The following XIRP2 variants were observed in gnomAD, a reference collection of about 807,000 sequenced individuals.
The protein encoded by XIRP2 is xin actin-binding repeat-containing protein 2.
A neutral mutation model predicts 277.0 loss-of-function variants in XIRP2; 236 were observed. The ratio of observed to expected loss-of-function variants is 0.85; its 90% CI spans 0.77 to 0.95. The LOEUF (loss-of-function observed/expected upper bound fraction) is 0.95, where lower values mean the gene tolerates loss of function less well. Ranked by LOEUF, XIRP2 falls within the 40% of genes least tolerant of loss-of-function variation. The probability of loss-of-function intolerance (pLI) is 0.00; values close to 1 mark genes in which losing one functional copy is unlikely to be tolerated. For missense variants in XIRP2, 4,640 were observed against 4,157.5 expected, an observed-to-expected ratio of 1.12 and a Z score of -3.19; for synonymous variants, 1,490 against 1,416.5, an observed-to-expected ratio of 1.05 and a Z score of -1.17.
chr2:166,998,482 A>G (rs1687282394), intron 2 of XIRP2, among the ~76,000 whole-genome samples: 1 of 151,856 alleles, frequency 6.6e-6, no homozygotes, highest in African/African-American at 2.4e-5. Flanking sequence ...CTAAAAATAC[A>G]AAAAATTAGC....
chr2:167,068,314 T>A (rs1184138226), intron 2 of XIRP2, among the ~76,000 whole-genome samples: 1 of 152,176 alleles, frequency 6.6e-6, no homozygotes. Flanking sequence ...TTTCTCTAAT[T>A]CTTGAACATA....
chr2:167,162,142 A>C (rs1385015788), intron 3 of XIRP2, among the ~76,000 whole-genome samples: 1 of 152,192 alleles, frequency 6.6e-6, no homozygotes, highest in Non-Finnish European at 1.5e-5. Flanking sequence ...GCATTCGGTC[A>C]AAGCCATTCA....
chr2:167,071,264 C>A (rs890910709), intron 2 of XIRP2, among the ~76,000 whole-genome samples: 1 of 152,054 alleles, frequency 6.6e-6, no homozygotes, highest in African/African-American at 2.4e-5. Flanking sequence ...TTAGTCTTGA[C>A]TATAAAACTG....
chr2:167,201,271 A>AAG (rs1693704712), intron 3 of XIRP2, among the ~76,000 whole-genome samples: 10 of 133,304 alleles, frequency 7.5e-5, no homozygotes, highest in African/African-American at 3.3e-4. Flanking sequence ...AGAGAGAGGG[A>AAG]GAAAGGAAAG....
intron 3 of XIRP2, among the ~76,000 whole-genome samples, chr2:167,198,486 G>A (rs73970887): frequency 0.1 from 15,726 of 152,146 alleles, 1,671 homozygotes; most frequent in African/African-American, 0.28. Context: ...TGAACAAGAG[G>A]CCAATTACCT....
intron 3 of XIRP2, among the ~76,000 whole-genome samples, chr2:167,162,780 T>G (rs1488271097): frequency 8.5e-5 from 13 of 152,198 alleles, no homozygotes; most frequent in Admixed American, 8.5e-4. Flanking sequence ...TCCAACCATG[T>G]TCATCACCAC....
intron 3 of XIRP2, among the ~76,000 whole-genome samples, chr2:167,170,102 G>A (rs1692640412): frequency 6.6e-6 from 1 of 152,070 alleles, no homozygotes; most frequent in South Asian, 2.1e-4. Flanking sequence ...AATCATAAGT[G>A]AGTATTGAAT....
At chr2:166,911,884 G>C (rs1348786339) in intron 2 of XIRP2, among the ~76,000 whole-genome samples, 1 of 152,108 alleles carries the variant, frequency 6.6e-6, no homozygotes, top group Non-Finnish European at 1.5e-5. Context: ...AGTTTGGCTG[G>C]ATATGAAATT....
chr2:167,186,451 C>G (rs1167243579), intron 3 of XIRP2, among the ~76,000 whole-genome samples: 1 of 152,090 alleles, frequency 6.6e-6, no homozygotes, highest in South Asian at 2.1e-4. Flanking sequence ...AGGGCAATTT[C>G]CTTTCTTTAT....
At chr2:167,239,799 A>G in intron 5 of XIRP2, 56 bp from the exon 6 acceptor site, 3 of 1,493,532 alleles carry the variant, frequency 2.0e-6, no homozygotes, top group Non-Finnish European at 2.7e-6. Flanking sequence ...ACAAATAAAA[A>G]AAGTTAAAAT....
At chr2:166,981,565 G>T (rs981813571) in intron 2 of XIRP2, among the ~76,000 whole-genome samples, 2 of 152,052 alleles carry the variant, frequency 1.3e-5, no homozygotes, top group African/African-American at 4.8e-5. Flanking sequence ...GGGACTACAG[G>T]TGCACACTGC....
At chr2:167,047,454 T>C (rs1214416707) in intron 2 of XIRP2, among the ~76,000 whole-genome samples, 3 of 151,628 alleles carry the variant, frequency 2.0e-5, no homozygotes, top group Non-Finnish European at 4.4e-5. Flanking sequence ...AATGGAGACA[T>C]ATTTTCAGCT....
chr2:166,902,661 A>T (rs1349731333), intron 1 of XIRP2, among the ~76,000 whole-genome samples: 1 of 151,428 alleles, frequency 6.6e-6, no homozygotes, highest in African/African-American at 2.4e-5. Context: ...TTTCTTCCTT[A>T]TCGTACCACA....
intron 2 of XIRP2, among the ~76,000 whole-genome samples, chr2:166,912,681 G>A (rs926189163): frequency 2.0e-5 from 3 of 152,168 alleles, no homozygotes; most frequent in African/African-American, 7.2e-5. Context: ...GGGGAGAGGT[G>A]CTCTGAGTTT....
chr2:166,903,784 T>C lies in XIRP2; in HGVS notation c.302T>C (p.Leu101Pro), dbSNP rs1252078848. The change falls in exon 2 of 11, where the codon CTG (leucine) becomes CCG (proline). Residue 101 changes from leucine (L) to proline (P), a missense_variant. Leu to Pro is a moderately conservative substitution (Grantham distance 98, BLOSUM62 -3). Coordinates refer to ENST00000409195, the MANE Select transcript of XIRP2 (RefSeq NM_152381.6). ...CCAGAAGTGCTGAAGGAGGATTCCC[T>C]GAGCAGTCGGCGCAGGATTGAACGC... ...GRPEVLKEDS[L>P]SSRRRIERFS... 2 of 1,613,690 alleles carry C rather than the reference T, an allele frequency of 1.2e-6. No homozygotes were observed. The highest frequency in any genetic ancestry group is 1.1e-5 in the South Asian group (1 of 91,076).
rs752412352 is a variant in XIRP2 at position 167,243,309 on chromosome 2, T to G, written c.1917T>G (p.Asn639Lys). The change falls in exon 9 of 11, where the codon AAT (asparagine) becomes AAG (lysine). Residue 639 changes from asparagine to lysine, a missense_variant. Physicochemically the swap from Asn to Lys is moderately conservative, Grantham distance 94. Transcript: ENST00000409195. Reference protein sequence around the residue: ...LGAYSSDTVENAEKIPELARG... With the variant: ...LGAYSSDTVEKAEKIPELARG... The stretch of plus-strand genomic sequence containing the variant: ...CTTATTCTTCTGACACTGTAGAAAA[T>G]GCAGAGAAAATTCCTGAGCTAGCCA... The G allele has an allele frequency of 6.2e-7, 1 of 1,613,620 alleles. No individual in the cohort carries two copies. Among genetic ancestry groups the G allele is most frequent in the South Asian group, 1.1e-5 (1 of 90,990 alleles).
chr2:167,167,400 G>T (rs912916484), intron 3 of XIRP2, among the ~76,000 whole-genome samples: 4 of 151,986 alleles, frequency 2.6e-5, no homozygotes, highest in Non-Finnish European at 5.9e-5. Flanking sequence ...TGCTCCTGTT[G>T]TTTTTGTCTT....
At chr2:167,021,376 C>A (rs1437322629) in intron 2 of XIRP2, among the ~76,000 whole-genome samples, 1 of 152,124 alleles carries the variant, frequency 6.6e-6, no homozygotes, top group East Asian at 1.9e-4. Flanking sequence ...TTAGTTGTTT[C>A]CTGATATGTC....
intron 2 of XIRP2, among the ~76,000 whole-genome samples, chr2:167,086,918 C>T (rs539603566): frequency 3.9e-5 from 6 of 152,252 alleles, no homozygotes; most frequent in East Asian, 1.9e-4. Context: ...GTAATTTGAT[C>T]GTCTGAAGCC....
Sources: gnomAD v4.1 joint callset for allele counts (sites outside exome capture counted in the v4.1 genomes callset) on GRCh38, gnomAD v4.1.1 for gene constraint, MANE v1.5 for transcripts, NCBI Gene and HGNC (gene_info 2026-07-23, HGNC 2026-07-21) for gene names.